Variants in MLF1 observed in about 807,000 individuals in gnomAD.
MLF1 encodes the protein myelodysplasia-myeloid leukemia factor 1.
In MLF1, 37 loss-of-function variants were observed where a neutral mutation model predicts 38.3. The observed-to-expected ratio is 0.96, with a 90% confidence interval of 0.74 to 1.27. MLF1 has a LOEUF of 1.27. Ranked by LOEUF, MLF1 falls within the 50% of genes most tolerant of loss-of-function variation. The pLI, the probability that MLF1 is intolerant of heterozygous loss-of-function variation, is 0.00. For synonymous variants in MLF1, 95 were observed against 106.5 expected, an observed-to-expected ratio of 0.89 and a Z score of 0.66; for missense variants, 331 against 349.2, an observed-to-expected ratio of 0.95 and a Z score of 0.42.
intron 1 of MLF1, among the ~76,000 whole-genome samples, chr3:158,572,366 G>C (rs1285700592): frequency 1.4e-5 from 2 of 140,246 alleles, no homozygotes; most frequent in Admixed American, 7.0e-5. Context: ...TGGTGGGGAG[G>C]GTTTGGGAGT....
At chr3:158,592,684 T>C in intron 2 of MLF1, 103 bp downstream of exon 2, 2 of 981,880 alleles carry the variant, frequency 2.0e-6, no homozygotes, top group Non-Finnish European at 2.9e-6. Flanking sequence ...TGACTAATAT[T>C]CTTGTTCTAG....
At chr3:158,598,236 T>C in intron 5 of MLF1, 28 bp downstream of exon 5, 1 of 1,602,796 alleles carries the variant, frequency 6.2e-7, no homozygotes, top group African/African-American at 1.4e-5. Flanking sequence ...ATTCCTAAAG[T>C]TTTATAAAGT....
chr3:158,578,637 G>A (rs547380506), intron 1 of MLF1, among the ~76,000 whole-genome samples: 2 of 152,152 alleles, frequency 1.3e-5, no homozygotes, highest in South Asian at 2.1e-4. Context: ...TTCCTGCCTT[G>A]TGATATATGC....
intron 1 of MLF1, among the ~76,000 whole-genome samples, chr3:158,580,024 C>T (rs563456278): frequency 6.6e-6 from 1 of 152,204 alleles, no homozygotes; most frequent in African/African-American, 2.4e-5. Flanking sequence ...AAAGGTATAA[C>T]GAATACTTTG....
intron 6 of MLF1, among the ~76,000 whole-genome samples, chr3:158,600,970 T>G (rs935870174): frequency 6.6e-6 from 1 of 151,420 alleles, no homozygotes; most frequent in Non-Finnish European, 1.5e-5. Flanking sequence ...TCATTAAATT[T>G]AAATTATTTT....
chr3:158,576,159 A>T (rs1715391272), intron 1 of MLF1, among the ~76,000 whole-genome samples: 1 of 152,214 alleles, frequency 6.6e-6, no homozygotes, highest in Admixed American at 6.5e-5. Context: ...GTTATATTTT[A>T]AAATTTGGTG....
In MLF1 at chr3:158,571,232, G is replaced by C; in HGVS notation, c.-69G>C. ...TCCGTACTGGAGGCTAGCTCTTGTC[G>C]CGGCCGCGGCGAGTTAACATCGTTT... On this transcript the variant is annotated 5_prime_UTR_variant, in exon 1 of 8. Transcript: ENST00000466246. The C allele has an allele frequency of 7.6e-7, 1 of 1,324,234 alleles. No individual in the cohort carries two copies. The allele number at this position is 1,324,234 out of a possible 1,614,324, so 82.0% of individuals were successfully genotyped here. A position where few individuals can be genotyped will look rare whatever the true frequency, so the allele number is the denominator to read the frequency against.
At chr3:158,603,592 C>T (rs1237173882) in intron 7 of MLF1, among the ~76,000 whole-genome samples, 1 of 152,120 alleles carries the variant, frequency 6.6e-6, no homozygotes, top group African/African-American at 2.4e-5. Context: ...AATCCCAGCA[C>T]TTCCGGAGGC....
At chr3:158,602,200 T>A (rs1209516083) in intron 6 of MLF1, among the ~76,000 whole-genome samples, 1 of 152,172 alleles carries the variant, frequency 6.6e-6, no homozygotes, top group African/African-American at 2.4e-5. Flanking sequence ...TGTAATTTTA[T>A]CACATTTATA....
chr3:158,571,238 G>C lies in MLF1; in HGVS notation c.-63G>C. 7.3e-7 allele frequency: 1 copy of C among 1,374,062 alleles called. No individual in the cohort carries two copies. The highest frequency in any genetic ancestry group is 1.0e-6 in the Non-Finnish European group (1 of 968,596). 85.1% of individuals were successfully genotyped at this position (1,374,062 alleles called of 1,614,324 possible). On this transcript the variant is annotated 5_prime_UTR_variant, in exon 1 of 8. Coordinates refer to ENST00000466246, the MANE Select transcript of MLF1 (RefSeq NM_001369783.1). ...CTGGAGGCTAGCTCTTGTCGCGGCC[G>C]CGGCGAGTTAACATCGTTTTTCCAA...
chr3:158,604,867 C>T (rs1429009429), intron 7 of MLF1, among the ~76,000 whole-genome samples: 1 of 152,112 alleles, frequency 6.6e-6, no homozygotes, highest in Non-Finnish European at 1.5e-5. Flanking sequence ...TCATGTTGGC[C>T]AGGATGGTCT....
At chr3:158,576,071 T>C (rs1369154028) in intron 1 of MLF1, among the ~76,000 whole-genome samples, 1 of 152,220 alleles carries the variant, frequency 6.6e-6, no homozygotes, top group Non-Finnish European at 1.5e-5. Flanking sequence ...AATTCAAATA[T>C]ATTCAGTTTC....
At chr3:158,588,730 A>C (rs935300199) in intron 1 of MLF1, 2 of 314,736 alleles carry the variant, frequency 6.4e-6, no homozygotes, top group African/African-American at 4.4e-5. Flanking sequence ...GTGTTTCTGC[A>C]TCATAAAAAA....
chr3:158,594,718 G>T (rs1052893316), intron 3 of MLF1, among the ~76,000 whole-genome samples: 1 of 152,162 alleles, frequency 6.6e-6, no homozygotes, highest in South Asian at 2.1e-4. Flanking sequence ...GGAACTTGGT[G>T]ATTGACAGGG....
chr3:158,581,089 T>C (rs1185957686), intron 1 of MLF1, among the ~76,000 whole-genome samples: 1 of 152,232 alleles, frequency 6.6e-6, no homozygotes, highest in East Asian at 1.9e-4. Flanking sequence ...GCCCCCATAA[T>C]TGGAGATAGG....
At chr3:158,578,543 T>C (rs1019396395) in intron 1 of MLF1, among the ~76,000 whole-genome samples, 2 of 151,932 alleles carry the variant, frequency 1.3e-5, no homozygotes, top group Admixed American at 1.3e-4. Flanking sequence ...CACACTATGT[T>C]GAAATCATTC....
At chr3:158,599,168 T>C (rs146337866) in intron 5 of MLF1, among the ~76,000 whole-genome samples, 2 of 152,214 alleles carry the variant, frequency 1.3e-5, no homozygotes, top group East Asian at 1.9e-4. Flanking sequence ...TCAATAGATA[T>C]GTAGGTGAGT....
chr3:158,574,516 A>ACAAAAAC (rs1181337782), intron 1 of MLF1, among the ~76,000 whole-genome samples: 1 of 121,516 alleles, frequency 8.2e-6, no homozygotes, highest in African/African-American at 2.8e-5. Context: ...AAAAAAAAAA[A>ACAAAAAC]AAAAAAAAAA....
intron 1 of MLF1, among the ~76,000 whole-genome samples, chr3:158,578,505 A>C (rs564949518): frequency 6.8e-6 from 1 of 147,282 alleles, no homozygotes; most frequent in African/African-American, 2.5e-5. Flanking sequence ...CATACATACA[A>C]ACACACACAC....
Sources: gnomAD v4.1 joint callset for allele counts (sites outside exome capture counted in the v4.1 genomes callset) on GRCh38, gnomAD v4.1.1 for gene constraint, MANE v1.5 for transcripts, NCBI Gene and HGNC (gene_info 2026-07-23, HGNC 2026-07-21) for gene names.